The following CALD1 variants were observed in gnomAD, a reference collection of about 807,000 sequenced individuals.
CALD1 encodes caldesmon 1, also known as caldesmon.
Under a neutral mutation model 99.9 loss-of-function variants are expected in CALD1, and 33 were observed. The observed-to-expected ratio is 0.33, with a 90% confidence interval of 0.25 to 0.44. CALD1 has a LOEUF of 0.44. Ranked by LOEUF, CALD1 falls within the 20% of genes least tolerant of loss-of-function variation. The pLI, the probability that CALD1 is intolerant of heterozygous loss-of-function variation, is 1.00. For missense variants in CALD1, 861 were observed against 962.1 expected (o/e 0.89, Z 1.39); for synonymous variants, 310 against 325.0 (o/e 0.95, Z 0.50).
intron 9 of CALD1, among the ~76,000 whole-genome samples, chr7:134,954,492 T>C (rs904292808): frequency 2.0e-5 from 3 of 152,186 alleles, no homozygotes; most frequent in Admixed American, 6.5e-5. Context: ...AGCCACTAAG[T>C]TAGGATATTT....
intron 3 of CALD1, among the ~76,000 whole-genome samples, chr7:134,881,237 T>C (rs1242736128): frequency 6.6e-6 from 1 of 152,196 alleles, no homozygotes; most frequent in Non-Finnish European, 1.5e-5. Flanking sequence ...GAGCAACATG[T>C]CCAAGAGCAC....
At chr7:134,876,674 G>A (rs1328063005) in intron 3 of CALD1, among the ~76,000 whole-genome samples, 2 of 152,192 alleles carry the variant, frequency 1.3e-5, no homozygotes, top group Non-Finnish European at 2.9e-5. Context: ...ATCAATTTTG[G>A]AAGTCTTTTA....
At chr7:134,741,230 C>G (rs558741430), upstream of CALD1, among the ~76,000 whole-genome samples, 2 of 152,222 alleles carry the variant, frequency 1.3e-5, no homozygotes, top group Non-Finnish European at 2.9e-5. Context: ...AGGAAACTTA[C>G]AGTTATGGTG....
chr7:134,845,950 G>A (rs1168896331), intron 2 of CALD1, among the ~76,000 whole-genome samples: 1 of 152,130 alleles, frequency 6.6e-6, no homozygotes, highest in Non-Finnish European at 1.5e-5. Flanking sequence ...TCTCTGTCCT[G>A]TCTTTTGGGG....
At chr7:134,891,424 G>T in intron 3 of CALD1, 1 of 1,294,136 alleles carries the variant, frequency 7.7e-7, no homozygotes, top group Non-Finnish European at 9.8e-7. Context: ...AGTAGATTTG[G>T]CTGAGGACAA....
intron 7 of CALD1, 45 bp downstream of exon 7, chr7:134,941,282 AG>A (rs753450904): frequency 3.5e-5 from 52 of 1,467,810 alleles, no homozygotes; most frequent in Admixed American, 2.0e-4. Context: ...TCACATGCAA[AG>A]AAAAAAAAAA....
At chr7:134,738,677 GAC>G in the CALD1 span, among the ~76,000 whole-genome samples, 1 of 152,138 alleles carries the variant, frequency 6.6e-6, no homozygotes, top group Admixed American at 6.6e-5. Context: ...TCAACTATAG[GAC>G]CAGCATCGCG....
chr7:134,966,223 A>T (rs1014673965), intron 14 of CALD1, among the ~76,000 whole-genome samples: 2 of 152,250 alleles, frequency 1.3e-5, no homozygotes, highest in Non-Finnish European at 2.9e-5. Flanking sequence ...ATCAACGGCA[A>T]CTAGAGAATC....
intron 1 of CALD1, among the ~76,000 whole-genome samples, chr7:134,752,611 C>T (rs912878753): frequency 6.6e-6 from 1 of 152,094 alleles, no homozygotes; most frequent in Non-Finnish European, 1.5e-5. Context: ...TAACCACAGC[C>T]GAGTAATTAT....
chr7:134,787,350 G>A (rs977342896), intron 1 of CALD1, among the ~76,000 whole-genome samples: 4 of 152,098 alleles, frequency 2.6e-5, no homozygotes, highest in Admixed American at 1.3e-4. Flanking sequence ...ATTACTAAGG[G>A]AAATTTAGGC....
At chr7:134,959,149 G>A (rs948705904) in intron 11 of CALD1, among the ~76,000 whole-genome samples, 19 of 151,714 alleles carry the variant, frequency 1.3e-4, no homozygotes, top group Admixed American at 1.1e-3. Context: ...GCAGCTGACT[G>A]TCTTGTTTTT....
chr7:134,868,001 A>G, intron 3 of CALD1, 197 bp downstream of exon 3: 1 of 394,960 alleles, frequency 2.5e-6, no homozygotes, highest in Non-Finnish European at 4.7e-6. Context: ...AATCAAGAAA[A>G]AGAGAGATTT....
chr7:134,744,226 C>T (rs1334411029), upstream of CALD1: 1 of 152,054 alleles, frequency 6.6e-6, no homozygotes, highest in African/African-American at 2.4e-5. Flanking sequence ...TGTCGCTTTT[C>T]TAGGGGAGGT....
the CALD1 span, among the ~76,000 whole-genome samples, chr7:134,724,061 G>A: frequency 2.0e-5 from 3 of 152,208 alleles, no homozygotes; most frequent in African/African-American, 7.2e-5. Flanking sequence ...TTGCTATGCG[G>A]CAGCAGGAGA....
chr7:134,842,313 A>C (rs931728481), intron 1 of CALD1, among the ~76,000 whole-genome samples: 1 of 152,250 alleles, frequency 6.6e-6, no homozygotes, highest in African/African-American at 2.4e-5. Flanking sequence ...GCTTATCCTA[A>C]GATAAGAATA....
At chr7:134,893,055 A>G (rs981299197) in intron 3 of CALD1, among the ~76,000 whole-genome samples, 8 of 152,168 alleles carry the variant, frequency 5.3e-5, no homozygotes, top group Admixed American at 1.3e-4. Flanking sequence ...GGATGCTAGG[A>G]AAAGAGCCCA....
At chr7:134,960,720 G>A (rs1335352400) in intron 13 of CALD1, 92 bp downstream of exon 13, 1 of 747,738 alleles carries the variant, frequency 1.3e-6, no homozygotes, top group Non-Finnish European at 2.4e-6. Context: ...CCTAGGAATG[G>A]CAGTGCCCCT....
chr7:134,946,631 A>C (rs545637445), intron 7 of CALD1, among the ~76,000 whole-genome samples: 1 of 150,594 alleles, frequency 6.6e-6, no homozygotes, highest in Non-Finnish European at 1.5e-5. Flanking sequence ...AGTATCTTCA[A>C]GGTTTATCCA....
At chr7:134,736,396 C>G in the CALD1 span, among the ~76,000 whole-genome samples, 1 of 152,118 alleles carries the variant, frequency 6.6e-6, no homozygotes, top group Non-Finnish European at 1.5e-5. Flanking sequence ...GCACCCTCAG[C>G]TCCCTCCACT....
Sources: allele counts gnomAD v4.1 joint callset (sites outside exome capture counted in the v4.1 genomes callset), GRCh38; gene constraint gnomAD v4.1.1; transcripts MANE v1.5; gene names NCBI Gene and HGNC (gene_info 2026-07-23, HGNC 2026-07-21).